UTRN: variants seen among roughly 807,000 people sequenced by gnomAD.
The protein encoded by UTRN is utrophin.
Under a neutral mutation model 463.9 loss-of-function variants are expected in UTRN, and 283 were observed. The ratio of observed to expected loss-of-function variants is 0.61; its 90% CI spans 0.55 to 0.67. The LOEUF (loss-of-function observed/expected upper bound fraction) is 0.67, where lower values mean the gene tolerates loss of function less well. UTRN is among the 30% of genes least tolerant of loss of function. The pLI is 0.00. For missense variants in UTRN, 3,922 were observed against 4,084.3 expected, an observed-to-expected ratio of 0.96 and a Z score of 1.08; for synonymous variants, 1,442 against 1,431.5, an observed-to-expected ratio of 1.01 and a Z score of -0.17.
At chr6:144,521,957 T>TA (rs1796141968) in intron 39 of UTRN, 23 bp from the exon 40 acceptor site, 28 of 1,253,584 alleles carry the variant, frequency 2.2e-5, no homozygotes, top group African/African-American at 3.2e-5. Context: ...ATATATATAT[T>TA]TTTTTTTTTG....
chr6:144,695,492 C>G (rs1157400322), intron 52 of UTRN, among the ~76,000 whole-genome samples: 1 of 151,952 alleles, frequency 6.6e-6, no homozygotes, highest in African/African-American at 2.4e-5. Context: ...TACAGGCACC[C>G]GCCATTACGC....
At chr6:144,373,654 G>C (rs1394899697) in intron 2 of UTRN, among the ~76,000 whole-genome samples, 1 of 152,252 alleles carries the variant, frequency 6.6e-6, no homozygotes, top group South Asian at 2.1e-4. Flanking sequence ...CGTTAAATCC[G>C]GATGGATTTT....
chr6:144,632,349 A>G (rs971176700), intron 51 of UTRN, among the ~76,000 whole-genome samples: 2 of 152,234 alleles, frequency 1.3e-5, no homozygotes, highest in Non-Finnish European at 2.9e-5. Context: ...GTTTGTGAAT[A>G]TGGCTGGAGA....
intron 51 of UTRN, among the ~76,000 whole-genome samples, chr6:144,622,181 G>GT (rs1290959363): frequency 0.021 from 1,525 of 73,436 alleles, 75 homozygotes; most frequent in African/African-American, 0.072. Context: ...ATTTTTTTTT[G>GT]TTGTTTTTTT....
At chr6:144,676,056 T>G (rs1410258608) in intron 51 of UTRN, among the ~76,000 whole-genome samples, 1 of 151,714 alleles carries the variant, frequency 6.6e-6, no homozygotes, top group East Asian at 1.9e-4. Context: ...CTATTTTTCT[T>G]TTTTTTTGGC....
At chr6:144,370,138 T>C (rs1317004859) in intron 2 of UTRN, among the ~76,000 whole-genome samples, 1 of 152,156 alleles carries the variant, frequency 6.6e-6, no homozygotes, top group Non-Finnish European at 1.5e-5. Context: ...CTTGGAGGGC[T>C]TCCCAGGAAG....
At chr6:144,332,564 G>T (rs568087710) in intron 2 of UTRN, among the ~76,000 whole-genome samples, 237 of 149,804 alleles carry the variant, frequency 1.6e-3, no homozygotes, top group Admixed American at 2.4e-3. Context: ...ATCTTTGGAA[G>T]TTAACTTGAA....
At chr6:144,504,906 G>A (rs987681132) in intron 34 of UTRN, among the ~76,000 whole-genome samples, 2 of 152,144 alleles carry the variant, frequency 1.3e-5, no homozygotes, top group African/African-American at 2.4e-5. Context: ...TTGTTGGTTG[G>A]TAGGCTATTA....
In UTRN at chr6:144,447,677, T is replaced by C. The variant is rs1374364123; in HGVS notation, c.1798T>C (p.Leu600=). The C allele has an allele frequency of 6.2e-7, 1 of 1,613,804 alleles. No homozygotes were observed. The highest frequency in any genetic ancestry group is 8.5e-7 in the Non-Finnish European group (1 of 1,179,954). The part of the protein sequence containing the change: ...LSEIGQDVGQ[L]LDNSKASKKI... ...TGAGATTGGCCAGGATGTGGGACAA[T>C]TACTTGATAATTCCAAGGCATCTAA... Residue 600 remains leucine (L), a synonymous_variant, in exon 16 of 75, where the codon TTA becomes CTA. Coordinates refer to ENST00000367545, the MANE Select transcript of UTRN (RefSeq NM_007124.3).
At chr6:144,484,562 C>T (rs1792237733) in intron 27 of UTRN, among the ~76,000 whole-genome samples, 1 of 150,226 alleles carries the variant, frequency 6.7e-6, no homozygotes, top group Non-Finnish European at 1.5e-5. Context: ...CCTGCCTCAG[C>T]CTCCCGAGTA....
chr6:144,397,815 A>G (rs1406967944), intron 2 of UTRN: 2 of 152,370 alleles, frequency 1.3e-5, no homozygotes, highest in African/African-American at 2.4e-5. Flanking sequence ...CACAGGCTCC[A>G]CAGTCAGTTA....
intron 51 of UTRN, among the ~76,000 whole-genome samples, chr6:144,637,634 CGTT>C (rs1777320851): frequency 6.7e-6 from 1 of 148,710 alleles, no homozygotes; most frequent in African/African-American, 2.5e-5. Context: ...TTCACATACA[CGTT>C]GTTTAAAAAA....
At chr6:144,674,345 TA>T (rs1343806601) in intron 51 of UTRN, among the ~76,000 whole-genome samples, 1 of 152,004 alleles carries the variant, frequency 6.6e-6, no homozygotes, top group African/African-American at 2.4e-5. Flanking sequence ...TTTTTTTAAT[TA>T]TTTTTTATTT....
intron 51 of UTRN, among the ~76,000 whole-genome samples, chr6:144,658,959 T>A (rs1055044248): frequency 6.6e-6 from 1 of 152,218 alleles, no homozygotes; most frequent in Non-Finnish European, 1.5e-5. Flanking sequence ...TCTCATTAAG[T>A]TTTATGTCAG....
At chr6:144,578,074 G>A (rs1404917219) in intron 51 of UTRN, among the ~76,000 whole-genome samples, 6 of 152,090 alleles carry the variant, frequency 3.9e-5, no homozygotes, top group South Asian at 2.1e-4. Flanking sequence ...GTGGTGGTGC[G>A]CACCTGTAGT....
At chr6:144,536,621 G>A (rs1412159494) in intron 43 of UTRN, among the ~76,000 whole-genome samples, 8 of 151,840 alleles carry the variant, frequency 5.3e-5, no homozygotes, top group Admixed American at 4.6e-4. Flanking sequence ...GAGAACTTTT[G>A]TGATTAAAAA....
intron 45 of UTRN, among the ~76,000 whole-genome samples, chr6:144,541,117 G>T (rs1410660816): frequency 6.6e-6 from 1 of 152,138 alleles, no homozygotes; most frequent in Non-Finnish European, 1.5e-5. Flanking sequence ...CAATATGATT[G>T]GTTAAAACAT....
intron 50 of UTRN, among the ~76,000 whole-genome samples, chr6:144,559,069 G>T (rs1416815174): frequency 6.6e-6 from 1 of 150,794 alleles, no homozygotes; most frequent in African/African-American, 2.4e-5. Context: ...CGTTAGGAAT[G>T]TGTGGCCTGC....
chr6:144,595,759 C>T (rs1803579254), intron 51 of UTRN, among the ~76,000 whole-genome samples: 2 of 152,300 alleles, frequency 1.3e-5, no homozygotes, highest in South Asian at 4.1e-4. Context: ...GAAGGAAGAT[C>T]TTTCTTGAAT....
Sources: gnomAD v4.1 joint callset for allele counts (sites outside exome capture counted in the v4.1 genomes callset) on GRCh38, gnomAD v4.1.1 for gene constraint, MANE v1.5 for transcripts, NCBI Gene and HGNC (gene_info 2026-07-23, HGNC 2026-07-21) for gene names.